The following KCNAB2 variants were observed in gnomAD, a reference collection of about 807,000 sequenced individuals.
KCNAB2 encodes potassium voltage-gated channel subfamily A regulatory beta subunit 2, also known as voltage-gated potassium channel subunit beta-2.
A neutral mutation model predicts 63.6 loss-of-function variants in KCNAB2; 29 were observed. The ratio of observed to expected loss-of-function variants is 0.46; its 90% CI spans 0.34 to 0.62. The LOEUF (loss-of-function observed/expected upper bound fraction) is 0.62, where lower values mean the gene tolerates loss of function less well. KCNAB2 is among the 20% of genes least tolerant of loss of function. KCNAB2 has a pLI of 0.01. For missense variants in KCNAB2, 359 were observed against 563.9 expected (o/e 0.64, Z 3.68); for synonymous variants, 222 against 224.2 (o/e 0.99, Z 0.09).
intron 2 of KCNAB2, among the ~76,000 whole-genome samples, chr1:6,064,218 G>A (rs982346155): frequency 1.4e-4 from 21 of 152,360 alleles, no homozygotes; most frequent in African/African-American, 5.1e-4. Context: ...CTTCTGGGCT[G>A]GGCCTCAGAG....
chr1:6,076,193 G>A (rs543966195), intron 4 of KCNAB2, among the ~76,000 whole-genome samples: 2 of 152,336 alleles, frequency 1.3e-5, no homozygotes, highest in East Asian at 1.9e-4. Flanking sequence ...TGCCATGCCA[G>A]GGACAAAATG....
chr1:6,037,264 C>T (rs774166528), intron 1 of KCNAB2, among the ~76,000 whole-genome samples: 1 of 152,234 alleles, frequency 6.6e-6, no homozygotes, highest in Non-Finnish European at 1.5e-5. Context: ...TGGAAGTTAG[C>T]TCAGCACCTA....
chr1:6,044,305 C>A (rs752049881), upstream of KCNAB2, among the ~76,000 whole-genome samples: 29 of 152,222 alleles, frequency 1.9e-4, no homozygotes, highest in Middle Eastern at 3.4e-3. Context: ...AGGCAGAGCA[C>A]GTCACAGGAG....
At chr1:6,005,486 G>A (rs1222881153) in intron 1 of KCNAB2, among the ~76,000 whole-genome samples, 1 of 127,168 alleles carries the variant, frequency 7.9e-6, no homozygotes, top group Non-Finnish European at 1.7e-5. Context: ...GCCCAGCTGA[G>A]GGCCTTGGAG....
At chr1:5,995,372 T>C (rs1375959217) in intron 1 of KCNAB2, among the ~76,000 whole-genome samples, 1 of 152,188 alleles carries the variant, frequency 6.6e-6, no homozygotes, top group Non-Finnish European at 1.5e-5. Context: ...TTCCTACTTA[T>C]TTGAGCCCAG....
At chr1:6,042,849 C>CT (rs769268675), upstream of KCNAB2, among the ~76,000 whole-genome samples, 4 of 110,070 alleles carry the variant, frequency 3.6e-5, no homozygotes, top group East Asian at 1.4e-3. Flanking sequence ...CCCCACCCCC[C>CT]CCCCCGTTTG....
At position 6,074,397 on chromosome 1, in the gene KCNAB2, G is replaced by A. The variant is rs1663490616; in HGVS notation, c.300+627G>A. On this transcript the variant is annotated intron_variant, in intron 4 of 15. Coordinates refer to ENST00000378083, the MANE Select transcript of KCNAB2 (RefSeq NM_001199862.2). This position sits in a 1 kb window ranked among gnomAD's most constrained non-coding sequence, Gnocchi z 4.9. ...CTGGGTCTCTCGGAAGGACAGGGAC[G>A]GCACACGCCCAGACATGTGTGCTTC... 6.6e-6 allele frequency among the ~76,000 whole-genome samples: 1 copy of A among 152,220 alleles called. No individual in the cohort carries two copies.
At chr1:6,057,103 C>T (rs1015941070) in intron 2 of KCNAB2, among the ~76,000 whole-genome samples, 7 of 150,556 alleles carry the variant, frequency 4.6e-5, no homozygotes, top group Middle Eastern at 3.4e-3. Flanking sequence ...ATGTCTCGTT[C>T]GGGCTGCATC....
chr1:6,067,757 AG>A (rs1557476422), intron 2 of KCNAB2, among the ~76,000 whole-genome samples: 1 of 152,124 alleles, frequency 6.6e-6, no homozygotes, highest in Non-Finnish European at 1.5e-5. Flanking sequence ...GAGCCAGGAG[AG>A]GTGGCTCATG....
intron 1 of KCNAB2, among the ~76,000 whole-genome samples, chr1:6,019,976 G>A (rs1176233971): frequency 1.3e-5 from 2 of 152,162 alleles, no homozygotes; most frequent in Non-Finnish European, 2.9e-5. Context: ...AGCATGCAAA[G>A]GACCATGTTG....
At chr1:6,041,442 G>A (rs1446233697), upstream of KCNAB2, 3 of 222,014 alleles carry the variant, frequency 1.4e-5, no homozygotes, top group African/African-American at 2.3e-5. Context: ...TTGCCAGCAC[G>A]CGGGTGCTCT....
chr1:6,086,895 CCCTT>C lies in KCNAB2; in HGVS notation c.426-571_426-568del, dbSNP rs1046654940. ...GGCCGTCCTTATGCCTCCCCTCCCT[CCCTT>C]GGTGCCCCTCAAGTTACCCCGACCA... On this transcript the variant is annotated intron_variant, in intron 6 of 15. Coordinates refer to ENST00000378083, the MANE Select transcript of KCNAB2 (RefSeq NM_001199862.2). This position sits in a 1 kb window ranked among gnomAD's most constrained non-coding sequence, Gnocchi z 4.2. Among the ~76,000 whole-genome samples the C allele has an allele frequency of 1.4e-4, 22 of 151,884 alleles. 1 individual carries two copies. The highest frequency in any genetic ancestry group is 1.3e-3 in the Admixed American group (20 of 15,260).
intron 2 of KCNAB2, among the ~76,000 whole-genome samples, chr1:6,052,798 G>A (rs980920375): frequency 6.6e-6 from 1 of 152,112 alleles, no homozygotes; most frequent in Admixed American, 6.5e-5. Flanking sequence ...AGATAAACGC[G>A]TAACTTTTTA....
At chr1:6,058,392 A>G (rs1570982145) in intron 2 of KCNAB2, among the ~76,000 whole-genome samples, 1 of 151,884 alleles carries the variant, frequency 6.6e-6, no homozygotes, top group Non-Finnish European at 1.5e-5. Context: ...CCTGGGAGGA[A>G]CCCGGGCTCC....
intron 1 of KCNAB2, among the ~76,000 whole-genome samples, chr1:6,050,602 T>C (rs757614440): frequency 2.6e-4 from 39 of 152,258 alleles, no homozygotes; most frequent in Non-Finnish European, 3.4e-4. Flanking sequence ...TTGAGATGCC[T>C]CATTCTTGAC....
intron 1 of KCNAB2, among the ~76,000 whole-genome samples, chr1:6,000,594 C>T (rs1391927915): frequency 2.0e-5 from 3 of 151,576 alleles, no homozygotes; most frequent in East Asian, 1.9e-4. Flanking sequence ...CCCCACCCCC[C>T]GCCGCTCTGC....
intron 2 of KCNAB2, among the ~76,000 whole-genome samples, 199 bp from the exon 3 acceptor site, chr1:6,072,556 G>T (rs916589367): frequency 6.6e-6 from 1 of 152,190 alleles, no homozygotes. Context: ...AGCATGGTGT[G>T]GGCCGGGGGC....
rs1657922718 is a variant in KCNAB2 at position 6,007,917 on chromosome 1, C to CT, written c.-53+15130dup. Among the ~76,000 whole-genome samples the CT allele has an allele frequency of 2.0e-5, 3 of 152,294 alleles. No individual in the cohort carries two copies. In the South Asian group the frequency reaches 6.2e-4, roughly 32 times the overall value. Reference sequence around the variant, plus strand: ...GGTAGAGGCAGCTGCAGCCGCAGCCCTGAGAGGGGCTGGAGACGCTGAGGC... The same window carrying CT: ...GGTAGAGGCAGCTGCAGCCGCAGCCCTTGAGAGGGGCTGGAGACGCTGAGGC... On this transcript the variant is annotated intron_variant, in intron 1 of 16. Coordinates refer to the KCNAB2 transcript ENST00000341524.
At position 6,072,371 on chromosome 1, in the gene KCNAB2, G is replaced by T. The variant is rs560762867; in HGVS notation, c.219-384G>T. Among the ~76,000 whole-genome samples the T allele has an allele frequency of 4.7e-4, 72 of 152,338 alleles. 1 individual carries two copies. In the South Asian group the frequency reaches 9.5e-3, roughly 20 times the overall value. ...GAAGAGACACAAAATCACAAATGCA[G>T]CCTTAGAGAGGAAGGAAGAAGGGGC... On this transcript the variant is annotated intron_variant, in intron 2 of 15. Transcript: ENST00000378083.
Sources: gnomAD v4.1 joint callset for allele counts (sites outside exome capture counted in the v4.1 genomes callset) on GRCh38, gnomAD v4.1.1 for gene constraint, Gnocchi (gnomAD v3.1) non-coding constraint, MANE v1.5 for transcripts, NCBI Gene and HGNC (gene_info 2026-07-23, HGNC 2026-07-21) for gene names.